TMLHE: variants seen among roughly 807,000 people sequenced by gnomAD.
TMLHE encodes the protein trimethyllysine dioxygenase, mitochondrial.
In TMLHE, 18 loss-of-function variants were observed where a neutral mutation model predicts 25.7. The ratio of observed to expected loss-of-function variants is 0.70; its 90% confidence interval spans 0.48 to 1.04. TMLHE has a LOEUF of 1.04. Among genes scored for constraint, TMLHE ranks in the 50% least tolerant of loss-of-function variants. The pLI is 0.00. For synonymous variants in TMLHE, 105 were observed against 97.0 expected (o/e 1.08, Z -0.49); for missense variants, 236 against 259.0 (o/e 0.91, Z 0.61).
chrX:155,538,745 A>T (rs782693887), intron 2 of TMLHE, among the ~76,000 whole-genome samples: 1 of 111,849 alleles, frequency 8.9e-6, no homozygotes, highest in East Asian at 2.8e-4. Flanking sequence ...ATCAAGGTCA[A>T]TACTTCCATT....
chrX:155,606,951 G>A (rs1188946656), intron 1 of TMLHE, among the ~76,000 whole-genome samples: 4 of 110,889 alleles, frequency 3.6e-5, no homozygotes, highest in South Asian at 3.8e-4. Flanking sequence ...GACCAATAAC[G>A]AGTTCCAAAA....
At position 155,513,990 on chromosome X, in the gene TMLHE, T is replaced by C; in HGVS notation, c.634A>G (p.Ile212Val). The change falls in exon 4 of 8, where the codon ATC becomes GTC. Residue 212 changes from isoleucine to valine, a missense_variant. Ile to Val is a conservative substitution (Grantham distance 29). Transcript: ENST00000334398. ...TTTAGGAAACAAATGAATTACCTGA[T>C]TAAGCTGATCCTTTCTGCCAACTTC... ...TEKLAERISL[I>V]RETIYGRMWY... 8.3e-7 allele frequency: 1 copy of C among 1,206,609 alleles called. No homozygotes were observed.
intron 1 of TMLHE, among the ~76,000 whole-genome samples, chrX:155,581,095 C>A (rs1297930620): frequency 8.9e-6 from 1 of 111,753 alleles, no homozygotes; most frequent in Non-Finnish European, 1.9e-5. Flanking sequence ...TCAATAGAAG[C>A]AGAAAAGGCC....
At chrX:155,520,120 T>G (rs1363008272) in intron 3 of TMLHE, among the ~76,000 whole-genome samples, 1 of 8,970 alleles carries the variant, frequency 1.1e-4, no homozygotes, top group Non-Finnish European at 3.2e-4. Flanking sequence ...CTAGTCTCGA[T>G]GGTCTTTACA....
At chrX:155,525,004 G>T (rs188124596) in intron 2 of TMLHE, among the ~76,000 whole-genome samples, 1 of 112,031 alleles carries the variant, frequency 8.9e-6, no homozygotes, top group East Asian at 2.8e-4. Flanking sequence ...ATGTCATGTT[G>T]TCACAAGGTT....
intron 5 of TMLHE, among the ~76,000 whole-genome samples, chrX:155,508,639 A>G (rs2067089736): frequency 9.0e-6 from 1 of 111,268 alleles, no homozygotes; most frequent in Non-Finnish European, 1.9e-5. Flanking sequence ...TCAGATATAT[A>G]GGAAGAAAAC....
chrX:155,558,671 AAGGT>A (rs2067474877), intron 1 of TMLHE, among the ~76,000 whole-genome samples: 1 of 111,891 alleles, frequency 8.9e-6, no homozygotes, highest in African/African-American at 3.2e-5. Flanking sequence ...GGTCAATCCA[AAGGT>A]AGGGTATACA....
At chrX:155,597,886 C>T (rs2067731804) in intron 1 of TMLHE, among the ~76,000 whole-genome samples, 1 of 107,817 alleles carries the variant, frequency 9.3e-6, no homozygotes. Flanking sequence ...AAATAAAATC[C>T]TTTTCAAAAA....
chrX:155,522,892 T>G (rs1557335950), intron 3 of TMLHE, among the ~76,000 whole-genome samples: 1 of 111,278 alleles, frequency 9.0e-6, no homozygotes, highest in African/African-American at 3.3e-5. Context: ...GTGTGATTTC[T>G]GGGTTGCATG....
At chrX:155,606,820 A>G (rs1228262355) in intron 1 of TMLHE, among the ~76,000 whole-genome samples, 5 of 93,414 alleles carry the variant, frequency 5.4e-5, no homozygotes, top group Admixed American at 1.1e-4. Context: ...AAAAAACCCC[A>G]TCAGAGACTA....
At chrX:155,551,093 G>A (rs1053257510) in intron 1 of TMLHE, among the ~76,000 whole-genome samples, 3 of 110,138 alleles carry the variant, frequency 2.7e-5, no homozygotes, top group East Asian at 2.8e-4. Flanking sequence ...CACCTACCTC[G>A]GGTCCCAAAA....
intron 3 of TMLHE, among the ~76,000 whole-genome samples, chrX:155,515,781 A>G (rs143105852): frequency 0.021 from 2,306 of 110,555 alleles, 27 homozygotes; most frequent in Non-Finnish European, 0.031. Flanking sequence ...GGACTACCAA[A>G]CTATGGTTGA....
rs1296880990 is a variant in TMLHE, at chrX:155,524,725, A to G, written c.182-93T>C. On this transcript the variant is annotated intron_variant, in intron 2 of 7. Transcript: ENST00000334398. ...ACTTCCTTCTAAAAGTCTTCTACCA[A>G]TAAGCAATAAGGGTTGAGGGGAGGG... 4.8e-6 allele frequency: 4 copies of G among 841,500 alleles called. No individual in the cohort carries two copies. The African/African-American group carries it at 6.2e-5, about 13-fold the overall frequency. The allele number at this position is 841,500 out of a possible 1,213,427, so 69.3% of individuals were successfully genotyped here. A position where few individuals can be genotyped will look rare whatever the true frequency, so the allele number is the denominator to read the frequency against.
intron 2 of TMLHE, among the ~76,000 whole-genome samples, chrX:155,535,212 C>CA (rs35064252): frequency 1.1e-4 from 12 of 111,441 alleles, no homozygotes; most frequent in Admixed American, 8.5e-4. Flanking sequence ...GTACATGGCC[C>CA]AAAAAAAGCC....
chrX:155,549,682 T>C (rs1557339729), intron 1 of TMLHE, among the ~76,000 whole-genome samples: 1 of 110,234 alleles, frequency 9.1e-6, no homozygotes, highest in East Asian at 2.8e-4. Flanking sequence ...GTCTGGTGTG[T>C]GTATGTGTGT....
intron 1 of TMLHE, among the ~76,000 whole-genome samples, chrX:155,600,865 T>C (rs781844584): frequency 4.2e-4 from 47 of 111,895 alleles, no homozygotes; most frequent in African/African-American, 1.5e-3. Flanking sequence ...TTTCAGCAAA[T>C]TGTGGAACCC....
chrX:155,512,426 T>C (rs1339117071), intron 4 of TMLHE, among the ~76,000 whole-genome samples: 1 of 107,827 alleles, frequency 9.3e-6, no homozygotes, highest in African/African-American at 3.4e-5. Context: ...GTGTTTGGTT[T>C]TTTGTCCTTG....
chrX:155,578,068 G>T (rs1055669801), intron 1 of TMLHE, among the ~76,000 whole-genome samples: 2 of 111,622 alleles, frequency 1.8e-5, no homozygotes, highest in Non-Finnish European at 3.8e-5. Flanking sequence ...GCCCAGGAGG[G>T]AGATGGGGGA....
intron 1 of TMLHE, among the ~76,000 whole-genome samples, chrX:155,603,315 G>A (rs956686965): frequency 1.8e-5 from 2 of 108,442 alleles, no homozygotes; most frequent in Non-Finnish European, 3.8e-5. Flanking sequence ...GAGCAACAGA[G>A]CAAGACCCTG....
Sources: allele counts gnomAD v4.1 joint callset (sites outside exome capture counted in the v4.1 genomes callset), GRCh38; gene constraint gnomAD v4.1.1; transcripts MANE v1.5; gene names NCBI Gene and HGNC (gene_info 2026-07-23, HGNC 2026-07-21).